Variants in SLC44A5 observed in about 807,000 individuals in gnomAD.
SLC44A5 encodes the protein solute carrier family 44 member 5, also known as choline transporter-like protein 5.
Under a neutral mutation model 101.8 loss-of-function variants are expected in SLC44A5, and 57 were observed. The ratio of observed to expected loss-of-function variants is 0.56; its 90% CI spans 0.45 to 0.70. The LOEUF (loss-of-function observed/expected upper bound fraction) is 0.70. Among genes scored for constraint, SLC44A5 ranks in the 30% least tolerant of loss-of-function variants. The pLI, the probability that SLC44A5 is intolerant of heterozygous loss-of-function variation, is 0.00. For synonymous variants in SLC44A5, 281 were observed against 290.9 expected, an observed-to-expected ratio of 0.97 and a Z score of 0.35; for missense variants, 737 against 853.1, an observed-to-expected ratio of 0.86 and a Z score of 1.70.
intron 2 of SLC44A5, among the ~76,000 whole-genome samples, chr1:75,516,041 G>C (rs1570497659): frequency 1.3e-5 from 2 of 152,220 alleles, no homozygotes; most frequent in Middle Eastern, 6.8e-3. Flanking sequence ...ATAATTGAAA[G>C]GGGCTTAAGA....
At chr1:75,617,417 G>A in the SLC44A5 span, among the ~76,000 whole-genome samples, 5 of 152,248 alleles carry the variant, frequency 3.3e-5, no homozygotes, top group African/African-American at 1.2e-4. Flanking sequence ...CTGTAACTTC[G>A]TAGCTCTGAG....
At chr1:75,500,591 G>T (rs951278795) in intron 2 of SLC44A5, among the ~76,000 whole-genome samples, 2 of 152,022 alleles carry the variant, frequency 1.3e-5, no homozygotes, top group Non-Finnish European at 2.9e-5. Flanking sequence ...TATATGAAAT[G>T]GAAATAAACT....
intron 1 of SLC44A5, among the ~76,000 whole-genome samples, chr1:75,597,246 G>T (rs1283331388): frequency 6.6e-6 from 1 of 150,768 alleles, no homozygotes; most frequent in Non-Finnish European, 1.5e-5. Context: ...CCTAACGGGG[G>T]GTGAAAGAGC....
At chr1:75,214,548 T>C in intron 20 of SLC44A5, 57 bp downstream of exon 20, 2 of 1,348,768 alleles carry the variant, frequency 1.5e-6, no homozygotes, top group Admixed American at 1.8e-5. Context: ...ATGTAAAGGA[T>C]GTAATGCTCA....
upstream of SLC44A5, among the ~76,000 whole-genome samples, chr1:75,614,584 G>C (rs1378685604): frequency 6.6e-6 from 1 of 152,198 alleles, no homozygotes; most frequent in Non-Finnish European, 1.5e-5. Context: ...CCACAAGCCA[G>C]ACTTGGGAGG....
intron 2 of SLC44A5, among the ~76,000 whole-genome samples, chr1:75,437,474 C>G (rs912780516): frequency 6.6e-6 from 1 of 152,120 alleles, no homozygotes; most frequent in Non-Finnish European, 1.5e-5. Context: ...TCATTTGCCT[C>G]TATCCTGACT....
chr1:75,341,303 G>A (rs145273555), intron 3 of SLC44A5, among the ~76,000 whole-genome samples: 1 of 152,232 alleles, frequency 6.6e-6, no homozygotes, highest in East Asian at 1.9e-4. Context: ...GAGTTCCAGA[G>A]CAGCCTGGGT....
intron 6 of SLC44A5, among the ~76,000 whole-genome samples, chr1:75,253,034 T>C (rs1649712489): frequency 6.6e-6 from 1 of 152,212 alleles, no homozygotes; most frequent in African/African-American, 2.4e-5. Context: ...CCAGTGAGTG[T>C]TGATGGCTGG....
At chr1:75,340,896 G>C (rs1319024240) in intron 3 of SLC44A5, among the ~76,000 whole-genome samples, 1 of 152,220 alleles carries the variant, frequency 6.6e-6, no homozygotes, top group Non-Finnish European at 1.5e-5. Flanking sequence ...AAGAGAAACA[G>C]AGACAATGGT....
intron 6 of SLC44A5, among the ~76,000 whole-genome samples, chr1:75,269,623 T>C (rs1033310651): frequency 2.0e-5 from 3 of 152,148 alleles, no homozygotes; most frequent in Non-Finnish European, 2.9e-5. Flanking sequence ...TTATGAATGG[T>C]ATTTCAGTTA....
chr1:75,707,721 T>C, the SLC44A5 span, among the ~76,000 whole-genome samples: 1 of 152,194 alleles, frequency 6.6e-6, no homozygotes, highest in Non-Finnish European at 1.5e-5. Flanking sequence ...ACCTCAAAAG[T>C]ATTCCTTGTA....
chr1:75,258,856 C>CA (rs71081320), intron 6 of SLC44A5, among the ~76,000 whole-genome samples: 126,103 of 152,040 alleles, frequency 0.83, 52,590 homozygotes, highest in East Asian at 0.95. Context: ...GGCCATTCTG[C>CA]GATTCTGCCA....
chr1:75,650,626 A>G, the SLC44A5 span, among the ~76,000 whole-genome samples: 3 of 152,210 alleles, frequency 2.0e-5, no homozygotes, highest in East Asian at 5.8e-4. Context: ...TGCCCTATAT[A>G]TAAGTCTTAT....
the SLC44A5 span, among the ~76,000 whole-genome samples, chr1:75,636,273 G>T: frequency 5.3e-5 from 8 of 151,942 alleles, no homozygotes; most frequent in Admixed American, 5.3e-4. Context: ...ACTGTTATAA[G>T]AATTAAGATA....
At chr1:75,490,318 G>A (rs569982176) in intron 2 of SLC44A5, among the ~76,000 whole-genome samples, 24 of 152,124 alleles carry the variant, frequency 1.6e-4, no homozygotes, top group African/African-American at 4.1e-4. Context: ...TAATGGATTC[G>A]TTCATTTAAA....
chr1:75,511,315 A>G (rs1195574175), intron 2 of SLC44A5, among the ~76,000 whole-genome samples: 3 of 152,150 alleles, frequency 2.0e-5, no homozygotes, highest in African/African-American at 4.8e-5. Flanking sequence ...CTTTTCAAGT[A>G]TAGGGACTTC....
intron 3 of SLC44A5, among the ~76,000 whole-genome samples, chr1:75,393,054 C>A (rs1371525995): frequency 6.6e-6 from 1 of 152,136 alleles, no homozygotes; most frequent in South Asian, 2.1e-4. Flanking sequence ...GGGTACTCTG[C>A]TCACTATTTG....
the SLC44A5 span, among the ~76,000 whole-genome samples, chr1:75,680,155 A>T: frequency 1.6e-3 from 251 of 152,242 alleles, no homozygotes; most frequent in African/African-American, 5.7e-3. Flanking sequence ...TCCCACACAT[A>T]AATAATGGGA....
intron 1 of SLC44A5, among the ~76,000 whole-genome samples, chr1:75,552,383 C>T (rs950837346): frequency 6.6e-6 from 1 of 151,926 alleles, no homozygotes; most frequent in Admixed American, 6.6e-5. Context: ...ATAAATAAGC[C>T]CCATTTTTAC....
Sources: allele counts gnomAD v4.1 joint callset (sites outside exome capture counted in the v4.1 genomes callset), GRCh38; gene constraint gnomAD v4.1.1; transcripts MANE v1.5; gene names NCBI Gene and HGNC (gene_info 2026-07-23, HGNC 2026-07-21).